TSGA10: variants seen among roughly 807,000 people sequenced by gnomAD.
TSGA10 encodes testis-specific gene 10 protein.
In TSGA10, 43 loss-of-function variants were observed where a neutral mutation model predicts 96.6. The ratio of observed to expected loss-of-function variants is 0.44; its 90% CI spans 0.35 to 0.57. The LOEUF is 0.57. Ranked by LOEUF, TSGA10 falls within the 20% of genes least tolerant of loss-of-function variation. The probability of loss-of-function intolerance (pLI) is 0.01; values close to 1 mark genes in which losing one functional copy is unlikely to be tolerated. For missense variants in TSGA10, 703 were observed against 834.4 expected (o/e 0.84, Z 1.94); for synonymous variants, 229 against 269.9 (o/e 0.85, Z 1.48).
intron 17 of TSGA10, among the ~76,000 whole-genome samples, chr2:99,031,308 A>G (rs2081110850): frequency 6.7e-6 from 1 of 149,774 alleles, no homozygotes; most frequent in African/African-American, 2.4e-5. Context: ...AAAAAAAAAA[A>G]AAAAGAACCT....
chr2:99,086,997 G>A (rs2088534848), intron 10 of TSGA10, among the ~76,000 whole-genome samples: 1 of 151,988 alleles, frequency 6.6e-6, no homozygotes, highest in African/African-American at 2.4e-5. Context: ...GAGGTCAGGA[G>A]ATTGAGACCA....
At chr2:99,107,078 C>T (rs2091422259) in intron 7 of TSGA10, among the ~76,000 whole-genome samples, 1 of 152,148 alleles carries the variant, frequency 6.6e-6, no homozygotes, top group Non-Finnish European at 1.5e-5. Flanking sequence ...TTCCTCAAAC[C>T]ACCAATGACT....
intron 1 of TSGA10, among the ~76,000 whole-genome samples, chr2:99,137,967 C>T (rs1008180134): frequency 6.6e-6 from 1 of 151,216 alleles, no homozygotes; most frequent in African/African-American, 2.4e-5. Flanking sequence ...CCCCTTCTAA[C>T]ATATGAGGAC....
At chr2:99,099,210 G>A (rs745904199) in intron 10 of TSGA10, among the ~76,000 whole-genome samples, 4 of 152,218 alleles carry the variant, frequency 2.6e-5, no homozygotes, top group Non-Finnish European at 5.9e-5. Context: ...TGCTCGGGAG[G>A]CTGAGGCAGG....
intron 16 of TSGA10, among the ~76,000 whole-genome samples, chr2:99,049,208 G>A (rs1211887608): frequency 1.3e-5 from 2 of 152,152 alleles, no homozygotes; most frequent in Non-Finnish European, 2.9e-5. Flanking sequence ...AATACCATTT[G>A]ACCCAGCAAT....
chr2:99,002,177 A>C (rs2077986080), intron 20 of TSGA10, among the ~76,000 whole-genome samples: 1 of 152,206 alleles, frequency 6.6e-6, no homozygotes, highest in Non-Finnish European at 1.5e-5. Context: ...TCCAAGACAC[A>C]TAATTGTCAG....
chr2:99,073,022 A>G lies in TSGA10; in HGVS notation c.934T>C (p.Ser312Pro). The change falls in exon 13 of 21, where the codon TCA (serine) becomes CCA (proline). Residue 312 changes from serine (S) to proline (P), a missense_variant. Physicochemically the swap from Ser to Pro is moderately conservative, Grantham distance 74. Around this residue, in one of 3 missense-constraint regions of TSGA10, gnomAD observed 585 missense variants for 656.8 expected, o/e 0.89. Coordinates refer to ENST00000393483, the MANE Select transcript of TSGA10 (RefSeq NM_025244.4). ...TTTGTTGCACGACTGATTTACCTTG[A>G]TGCCTGTTCCATCTCAGCAATGATA... ...KNIIAEMEQA[S>P]RQCTEALIVC... 6.2e-7 allele frequency: 1 copy of G among 1,608,632 alleles called. No homozygotes were observed. The highest frequency in any genetic ancestry group is 1.1e-5 in the South Asian group (1 of 90,228).
chr2:99,153,152 T>A (rs2093709802), intron 1 of TSGA10, among the ~76,000 whole-genome samples: 1 of 152,128 alleles, frequency 6.6e-6, no homozygotes, highest in South Asian at 2.1e-4. Flanking sequence ...TCCACAGGAA[T>A]CTCCAGGTTG....
chr2:99,079,850 T>A (rs17708262), intron 11 of TSGA10, among the ~76,000 whole-genome samples: 66,029 of 152,014 alleles, frequency 0.43, 17,013 homozygotes, highest in African/African-American at 0.72. Flanking sequence ...AGCAGTGCTA[T>A]GGGAGATAAT....
At chr2:99,027,102 C>T (rs964634156) in intron 17 of TSGA10, among the ~76,000 whole-genome samples, 3 of 152,214 alleles carry the variant, frequency 2.0e-5, no homozygotes, top group Non-Finnish European at 2.9e-5. Flanking sequence ...CAGTAATGCT[C>T]ACTCACCCAC....
chr2:99,103,816 G>A, intron 10 of TSGA10, 151 bp downstream of exon 10: 1 of 812,882 alleles, frequency 1.2e-6, no homozygotes, highest in Non-Finnish European at 1.8e-6. Flanking sequence ...CAGGAAAATT[G>A]TTCACTGTGT....
chr2:99,035,686 G>C (rs2081558624), intron 16 of TSGA10, among the ~76,000 whole-genome samples: 1 of 148,916 alleles, frequency 6.7e-6, no homozygotes, highest in South Asian at 2.1e-4. Context: ...AATGTACTTA[G>C]GAAAAAAAAA....
In TSGA10 at chr2:99,055,726, A is replaced by G. The variant is rs1573910531; in HGVS notation, c.1404+9213T>C. On this transcript the variant is annotated intron_variant, in intron 16 of 20. Coordinates refer to ENST00000393483, the MANE Select transcript of TSGA10 (RefSeq NM_025244.4). ...ACAAAACAGCCAGGCAGAGTAGCTC[A>G]CACCTGTAATTCCAACACTTTGGAA... Among the ~76,000 whole-genome samples the G allele has an allele frequency of 2.0e-5, 3 of 152,046 alleles. No individual in the cohort carries two copies. The South Asian group carries it at 6.2e-4, about 32-fold the overall frequency.
intron 1 of TSGA10, among the ~76,000 whole-genome samples, chr2:99,140,020 C>A (rs2093472233): frequency 6.6e-6 from 1 of 152,176 alleles, no homozygotes; most frequent in Non-Finnish European, 1.5e-5. Context: ...CAGAAAAGAT[C>A]TCCCAGAGAA....
At chr2:99,112,332 C>T (rs1338340854) in intron 4 of TSGA10, among the ~76,000 whole-genome samples, 1 of 152,082 alleles carries the variant, frequency 6.6e-6, no homozygotes. Flanking sequence ...AAAAATAATA[C>T]AAGGAGCGCT....
At chr2:99,109,069 A>G in intron 6 of TSGA10, 78 bp from the exon 7 acceptor site, 2 of 1,064,866 alleles carry the variant, frequency 1.9e-6, no homozygotes. Context: ...GTAGTGCCCA[A>G]TTTCTATTTA....
chr2:99,085,760 TA>T (rs67860649), intron 10 of TSGA10, among the ~76,000 whole-genome samples: 60,761 of 151,044 alleles, frequency 0.4, 14,308 homozygotes, highest in African/African-American at 0.65. Context: ...TAGATGAAGT[TA>T]AAAAAAATAC....
intron 1 of TSGA10, among the ~76,000 whole-genome samples, chr2:99,131,368 G>A (rs2093074828): frequency 6.6e-6 from 1 of 152,100 alleles, no homozygotes; most frequent in African/African-American, 2.4e-5. Flanking sequence ...TCCTAGGTAT[G>A]TTATTATTTT....
intron 2 of TSGA10, 172 bp downstream of exon 2, chr2:99,126,876 C>T: frequency 2.0e-6 from 1 of 502,096 alleles, no homozygotes. Context: ...TTTGCACTCA[C>T]TGACTCTGAC....
Sources: allele counts gnomAD v4.1 joint callset (sites outside exome capture counted in the v4.1 genomes callset), GRCh38; gene constraint gnomAD v4.1.1; regional missense constraint gnomAD v4.1.1; transcripts MANE v1.5; gene names NCBI Gene and HGNC (gene_info 2026-07-23, HGNC 2026-07-21).